Variants in KYAT3 observed in about 807,000 individuals in gnomAD.
KYAT3 encodes kynurenine--oxoglutarate transaminase 3.
A neutral mutation model predicts 59.0 loss-of-function variants in KYAT3; 50 were observed. The observed-to-expected ratio is 0.85, with a 90% CI of 0.68 to 1.07. KYAT3 has a LOEUF of 1.07. KYAT3 is among the 50% of genes least tolerant of loss of function. The probability of loss-of-function intolerance (pLI) is 0.00; values close to 1 mark genes in which losing one functional copy is unlikely to be tolerated. For missense variants in KYAT3, 497 were observed against 533.3 expected (o/e 0.93, Z 0.67); for synonymous variants, 148 against 177.0 (o/e 0.84, Z 1.30).
intron 2 of KYAT3, among the ~76,000 whole-genome samples, chr1:88,984,867 T>G (rs1677354320): frequency 1.3e-5 from 2 of 152,260 alleles, no homozygotes. Context: ...TGCCTTCATT[T>G]GCAATCCAAT....
chr1:88,992,039 C>T (rs1677832188), intron 1 of KYAT3, among the ~76,000 whole-genome samples: 1 of 147,616 alleles, frequency 6.8e-6, no homozygotes, highest in Non-Finnish European at 1.5e-5. Flanking sequence ...AGTGCAGTGG[C>T]CCGATCTCGG....
chr1:88,948,733 G>C (rs1348812273), intron 11 of KYAT3, among the ~76,000 whole-genome samples: 6 of 152,126 alleles, frequency 3.9e-5, no homozygotes, highest in Admixed American at 3.3e-4. Flanking sequence ...TAATGAAATA[G>C]TACATTTTGT....
the KYAT3 span, among the ~76,000 whole-genome samples, chr1:88,924,863 A>G: frequency 1.3e-5 from 2 of 152,108 alleles, no homozygotes; most frequent in African/African-American, 4.8e-5. Context: ...CTCTTCCATA[A>G]CCCATGGCTT....
At chr1:88,922,649 CCCTCCATCCA>C in the KYAT3 span, among the ~76,000 whole-genome samples, 1 of 152,154 alleles carries the variant, frequency 6.6e-6, no homozygotes, top group African/African-American at 2.4e-5. Context: ...AAAACCATCC[CCCTCCATCCA>C]TGGAAAAATT....
chr1:88,959,899 T>G (rs1028497206), intron 8 of KYAT3, among the ~76,000 whole-genome samples: 22 of 150,996 alleles, frequency 1.5e-4, no homozygotes, highest in Middle Eastern at 6.8e-3. Context: ...ATTTCTTATT[T>G]TTATTTTTCT....
the KYAT3 span, among the ~76,000 whole-genome samples, chr1:88,921,501 A>G: frequency 9.3e-3 from 1,423 of 152,314 alleles, 16 homozygotes; most frequent in South Asian, 0.058. Context: ...TCAAAGGTTC[A>G]TCATTGCTTA....
intron 10 of KYAT3, 23 bp downstream of exon 10, chr1:88,953,039 AC>A: frequency 1.4e-6 from 2 of 1,398,518 alleles, no homozygotes; most frequent in Non-Finnish European, 2.0e-6. Context: ...CAATGCTTCT[AC>A]CCTGAGTTAC....
chr1:88,951,861 C>A (rs892177601), intron 10 of KYAT3, among the ~76,000 whole-genome samples: 5 of 152,048 alleles, frequency 3.3e-5, no homozygotes, highest in African/African-American at 9.7e-5. Flanking sequence ...GTGAAAGGAA[C>A]TTTGCAGATG....
intron 2 of KYAT3, chr1:88,982,519 G>A: frequency 7.6e-7 from 1 of 1,309,150 alleles, no homozygotes; most frequent in Non-Finnish European, 1.0e-6. Flanking sequence ...AATTACGGAA[G>A]GGACTTAACA....
chr1:88,976,214 G>A (rs1272039445), intron 2 of KYAT3, among the ~76,000 whole-genome samples: 3 of 151,300 alleles, frequency 2.0e-5, no homozygotes, highest in African/African-American at 7.3e-5. Context: ...AAAATTAGCC[G>A]GGTGTGGTGG....
intron 2 of KYAT3, among the ~76,000 whole-genome samples, chr1:88,977,958 G>A (rs1037889355): frequency 6.6e-6 from 1 of 152,182 alleles, no homozygotes; most frequent in Non-Finnish European, 1.5e-5. Flanking sequence ...TAGCCTAGGT[G>A]TGTAGCAGGC....
chr1:88,965,093 T>TA (rs776429445), intron 4 of KYAT3, 115 bp from the exon 5 acceptor site: 1 of 738,458 alleles, frequency 1.4e-6, no homozygotes, highest in Non-Finnish European at 2.1e-6. Flanking sequence ...TGTTTATAAT[T>TA]ACCCCAAGAA....
In KYAT3 at chr1:88,986,351, C is replaced by T. The variant is rs904471357; in HGVS notation, c.99+1901G>A. On this transcript the variant is annotated intron_variant, in intron 2 of 13. Transcript: ENST00000260508. ...ATTAATAGACTATTTTAGGGCCAGG[C>T]GCGGTGGCTCACGCCTGTAATCCCA... 1.1e-4 allele frequency among the ~76,000 whole-genome samples: 17 copies of T among 151,080 alleles called. No individual in the cohort carries two copies. The South Asian group carries it at 1.5e-3, about 13-fold the overall frequency.
intron 11 of KYAT3, among the ~76,000 whole-genome samples, chr1:88,946,197 G>A (rs1420090013): frequency 2.6e-5 from 4 of 152,216 alleles, no homozygotes; most frequent in South Asian, 2.1e-4. Context: ...CAAAAACTAC[G>A]CAACTAATTT....
chr1:88,954,197 C>T lies in KYAT3; in HGVS notation c.864+952G>A, dbSNP rs571194428. Among the ~76,000 whole-genome samples the T allele has an allele frequency of 2.8e-3, 419 of 152,234 alleles. 2 individuals carry two copies. Among genetic ancestry groups the T allele is most frequent in the African/African-American group, 9.6e-3 (400 of 41,534 alleles). On this transcript the variant is annotated intron_variant, in intron 9 of 13. Coordinates refer to ENST00000260508, the MANE Select transcript of KYAT3 (RefSeq NM_001008661.3). Reference sequence around the variant, plus strand: ...ACAGGCGTGCGCTACCACGCCTGGCCGATGCTCCCTGCTTCTTACCCATGC... The same window carrying T: ...ACAGGCGTGCGCTACCACGCCTGGCTGATGCTCCCTGCTTCTTACCCATGC...
At chr1:88,971,232 T>C (rs1676545438) in intron 2 of KYAT3, among the ~76,000 whole-genome samples, 1 of 152,216 alleles carries the variant, frequency 6.6e-6, no homozygotes, top group African/African-American at 2.4e-5. Context: ...AAAATCCAAC[T>C]TTAAATTATT....
chr1:88,964,357 A>C (rs1202007496), intron 5 of KYAT3, among the ~76,000 whole-genome samples: 1 of 152,256 alleles, frequency 6.6e-6, no homozygotes, highest in Non-Finnish European at 1.5e-5. Flanking sequence ...TGGCAGTGTT[A>C]GTCCCTTCCA....
intron 11 of KYAT3, 107 bp from the exon 12 acceptor site, chr1:88,943,530 G>T: frequency 1.5e-6 from 1 of 679,168 alleles, no homozygotes; most frequent in Non-Finnish European, 2.6e-6. Flanking sequence ...AAATTAGCTT[G>T]GTTTAGAATT....
At chr1:88,962,944 G>A (rs971108994) in intron 5 of KYAT3, among the ~76,000 whole-genome samples, 5 of 151,606 alleles carry the variant, frequency 3.3e-5, no homozygotes, top group East Asian at 1.9e-4. Flanking sequence ...GTTACTCTTC[G>A]CCTTGATTTT....
Sources: allele counts gnomAD v4.1 joint callset (sites outside exome capture counted in the v4.1 genomes callset), GRCh38; gene constraint gnomAD v4.1.1; transcripts MANE v1.5; gene names NCBI Gene and HGNC (gene_info 2026-07-23, HGNC 2026-07-21).